PIM3: variants seen among roughly 807,000 people sequenced by gnomAD.
The protein encoded by PIM3 is Pim-3 proto-oncogene, serine/threonine kinase.
A neutral mutation model predicts 27.5 loss-of-function variants in PIM3; 13 were observed. The observed-to-expected ratio is 0.47, with a 90% CI of 0.31 to 0.75. The LOEUF is 0.75. Ranked by LOEUF, PIM3 falls within the 30% of genes least tolerant of loss-of-function variation. The pLI is 0.05. For synonymous variants in PIM3, 341 were observed against 221.1 expected, an observed-to-expected ratio of 1.54 and a Z score of -4.81; for missense variants, 482 against 476.9, an observed-to-expected ratio of 1.01 and a Z score of -0.10.
chr22:49,962,787 G>T lies in PIM3; in HGVS notation c.715G>T (p.Val239Leu), dbSNP rs145700427. Residue 239 changes from valine to leucine, a missense_variant, in exon 5 of 6, where the codon GTG becomes TTG. Physicochemically the swap from Val to Leu is conservative, Grantham distance 32. Transcript: ENST00000360612. Reference protein sequence around the residue: ...WSLGVLLYDMVCGDIPFEQDE... With the variant: ...WSLGVLLYDMLCGDIPFEQDE... ...GCTGGGCGTGCTTCTCTACGATATGGTGTGTGGGGACATCCCCTTCGAGCA... is the reference window on the plus strand; with the variant it reads ...GCTGGGCGTGCTTCTCTACGATATGTTGTGTGGGGACATCCCCTTCGAGCA... 6.2e-7 allele frequency: 1 copy of T among 1,612,640 alleles called. No individual in the cohort carries two copies. The highest frequency in any genetic ancestry group is 8.5e-7 in the Non-Finnish European group (1 of 1,180,000).
At chr22:49,962,915 T>TC in intron 5 of PIM3, 25 bp from the exon 6 acceptor site, 1 of 1,598,780 alleles carries the variant, frequency 6.3e-7, no homozygotes, top group Non-Finnish European at 8.5e-7. Flanking sequence ...GCTTGGGCCC[T>TC]CCCTGACCTC....
rs1601870256 is a variant in PIM3, at chr22:49,961,673, C to T, written c.478C>T (p.His160Tyr). ...FFAQVLAAVR[H>Y]CHSCGVVHRD... is the part of the protein sequence containing the mutation. ...CGCGCAGGTGCTGGCCGCCGTGCGC[C>T]ACTGCCACAGCTGCGGGGTCGTGCA... Residue 160 changes from histidine (H) to tyrosine (Y), a missense_variant, in exon 4 of 6, where the codon CAC becomes TAC. Transcript: ENST00000360612. 1.3e-6 allele frequency: 2 copies of T among 1,592,454 alleles called. No homozygotes were observed. The highest frequency in any genetic ancestry group is 1.7e-6 in the Non-Finnish European group (2 of 1,170,394).
chr22:49,962,695 G>A lies in PIM3; in HGVS notation c.623G>A (p.Arg208Gln), dbSNP rs1425570133. The part of the protein sequence containing the change: ...DTVYTDFDGT[R>Q]VYSPPEWIRY... ...AAGCCCTGTGTCCCCTTAGGCACCC[G>A]AGTGTACAGCCCCCCGGAGTGGATC... The change falls in exon 5 of 6, where the codon CGA becomes CAA. Residue 208 changes from arginine to glutamine, a missense_variant. Transcript: ENST00000360612. The A allele has an allele frequency of 6.2e-7, 1 of 1,610,212 alleles. No homozygotes were observed. The highest frequency in any genetic ancestry group is 8.5e-7 in the Non-Finnish European group (1 of 1,178,856).
At position 49,961,171 on chromosome 22, in the gene PIM3, C is replaced by T. The variant is rs11541025; in HGVS notation, c.132C>T (p.Ala44=). ...TCGAGAAGGCGTACCAGGTGGGCGC[C>T]GTGCTGGGTAGCGGCGGCTTCGGCA... ...ESFEKAYQVG[A]VLGSGGFGTV... The change falls in exon 2 of 6, where the codon GCC becomes GCT. Residue 44 remains alanine, a synonymous_variant. Coordinates refer to ENST00000360612, the MANE Select transcript of PIM3 (RefSeq NM_001001852.4). 4 of 1,532,560 alleles carry T rather than the reference C, an allele frequency of 2.6e-6. No individual in the cohort carries two copies. Among genetic ancestry groups the T allele is most frequent in the Admixed American group, 4.1e-5 (2 of 49,230 alleles). 94.9% of individuals were successfully genotyped at this position (1,532,560 alleles called of 1,614,324 possible). A position where few individuals can be genotyped will look rare whatever the true frequency, so the allele number is the denominator to read the frequency against.
chr22:49,961,010 C>T lies in PIM3; in HGVS notation c.63C>T (p.Leu21=), dbSNP rs1274786081. ...HLCGPGGVDH[L]PVKILQPAKA... is the part of the protein sequence containing the mutation. ...GCGGGCCCGGCGGCGTGGACCACCT[C>T]CCGGTGAAGATCCTGCAGCCAGGTA... Residue 21 remains leucine (L), a synonymous_variant, in exon 1 of 6, where the codon CTC becomes CTT. Transcript: ENST00000360612. The T allele has an allele frequency of 1.4e-5, 19 of 1,391,730 alleles. No individual in the cohort carries two copies. Among genetic ancestry groups the T allele is most frequent in the Non-Finnish European group, 1.8e-5 (19 of 1,063,038 alleles). 86.2% of individuals were successfully genotyped at this position (1,391,730 alleles called of 1,614,324 possible).
chr22:49,961,386 C>T lies in PIM3; in HGVS notation c.246+18C>T. ...GCAGCCTGGTAAGTTGGGGCACGGG[C>T]GGCGGCGGCGGCGGGGGGCGGGCGC... On this transcript the variant is annotated intron_variant, in intron 3 of 5. Transcript: ENST00000360612. 2 of 1,392,252 alleles carry T rather than the reference C, an allele frequency of 1.4e-6. No individual in the cohort carries two copies. Among genetic ancestry groups the T allele is most frequent in the South Asian group, 1.7e-5 (1 of 59,376 alleles). 86.2% of individuals were successfully genotyped at this position (1,392,252 alleles called of 1,614,324 possible). A position where few individuals can be genotyped will look rare whatever the true frequency, so the allele number is the denominator to read the frequency against.
chr22:49,961,879 G>A, intron 4 of PIM3, 68 bp downstream of exon 4: 2 of 1,580,530 alleles, frequency 1.3e-6, no homozygotes, highest in Non-Finnish European at 1.7e-6. Context: ...TGCAGGGGCG[G>A]CACATGGAGG....
chr22:49,963,487 G>T lies in PIM3; in HGVS notation c.*360G>T, dbSNP rs2060920368. ...CCCACCTCCCGCCCTCAGTCCTGCG[G>T]TGTGCGTCTGGGCACGTCCTGCACA... is the stretch of plus-strand genomic sequence containing the variant. On this transcript the variant is annotated 3_prime_UTR_variant, in exon 6 of 6. Coordinates refer to ENST00000360612, the MANE Select transcript of PIM3 (RefSeq NM_001001852.4). 1 of 217,018 alleles carries T rather than the reference G, an allele frequency of 4.6e-6. No individual in the cohort carries two copies. The highest frequency in any genetic ancestry group is 2.3e-5 in the African/African-American group (1 of 43,126). 13.4% of individuals were successfully genotyped at this position (217,018 alleles called of 1,614,324 possible).
chr22:49,962,120 G>C (rs866601888), intron 4 of PIM3, among the ~76,000 whole-genome samples: 36 of 152,120 alleles, frequency 2.4e-4, no homozygotes, highest in African/African-American at 8.2e-4. Context: ...CCCCGGCTGG[G>C]GGCGGTAGCG....
Position 49,961,047 on chromosome 22 carries a change from G to A in PIM3, c.85+15G>A. On this transcript the variant is annotated intron_variant, in intron 1 of 5. Coordinates refer to ENST00000360612, the MANE Select transcript of PIM3 (RefSeq NM_001001852.4). ...CCTGCAGCCAGGTACGCGCGGGGCC[G>A]GCGGGGCCGGGGCCGGGGCCAGGGC... The A allele has an allele frequency of 7.4e-7, 1 of 1,348,944 alleles. No homozygotes were observed. Among genetic ancestry groups the A allele is most frequent in the African/African-American group, 1.5e-5 (1 of 65,396 alleles). 83.6% of individuals were successfully genotyped at this position (1,348,944 alleles called of 1,614,324 possible).
In PIM3 at chr22:49,963,148, G is replaced by A; in HGVS notation, c.*21G>A. The A allele has an allele frequency of 1.3e-6, 2 of 1,558,120 alleles. No individual in the cohort carries two copies. Among genetic ancestry groups the A allele is most frequent in the East Asian group, 2.4e-5 (1 of 42,294 alleles). The stretch of plus-strand genomic sequence containing the variant: ...TGTGAGGAGCTGCACCTGACTGGGA[G>A]CTAGGGGACCACCTGCCTTGGCCAG... On this transcript the variant is annotated 3_prime_UTR_variant, in exon 6 of 6. Coordinates refer to ENST00000360612, the MANE Select transcript of PIM3 (RefSeq NM_001001852.4).
chr22:49,960,823 G>C lies in PIM3; in HGVS notation c.-125G>C. 1 of 550,228 alleles carries C rather than the reference G, an allele frequency of 1.8e-6. No homozygotes were observed. Among genetic ancestry groups the C allele is most frequent in the Non-Finnish European group, 2.4e-6 (1 of 418,290 alleles). The allele number at this position is 550,228 out of a possible 1,614,324, so 34.1% of individuals were successfully genotyped here. A position where few individuals can be genotyped will look rare whatever the true frequency, so the allele number is the denominator to read the frequency against. On this transcript the variant is annotated 5_prime_UTR_variant, in exon 1 of 6. Transcript: ENST00000360612. ...TCTACGCGGTCCCCGCGGGCCTTCC[G>C]GGCCCACTGCGCCGCGCGGACCGCC...
Position 49,961,801 on chromosome 22 carries a change from C to G in PIM3, c.606C>G (p.Thr202=). The G allele has an allele frequency of 6.2e-7, 1 of 1,609,574 alleles. No homozygotes were observed. The highest frequency in any genetic ancestry group is 8.5e-7 in the Non-Finnish European group (1 of 1,178,508). ...CGCTGCTCAAGGACACGGTCTACAC[C>G]GACTTCGACGGTGAGCGCGGGCGCG... ...SGALLKDTVY[T]DFDGTRVYSP... The change falls in exon 4 of 6, where the codon ACC becomes ACG. Residue 202 remains threonine, a synonymous_variant. Coordinates refer to ENST00000360612, the MANE Select transcript of PIM3 (RefSeq NM_001001852.4).
intron 3 of PIM3, 24 bp downstream of exon 3, chr22:49,961,392 C>T (rs1214460507): frequency 2.1e-6 from 3 of 1,446,248 alleles, no homozygotes; most frequent in East Asian, 2.8e-5. Context: ...CGGGCGGCGG[C>T]GGCGGCGGGG....
rs752489243 is a variant in PIM3, at chr22:49,962,874, T to TCCAC, written c.793+9_793+10insCCAC. On this transcript the variant is annotated intron_variant, in intron 5 of 5. Coordinates refer to ENST00000360612, the MANE Select transcript of PIM3 (RefSeq NM_001001852.4). ...GAGGAGGGTCTCTCCAGGTGCGTGG[T>TCCAC]GGCTCGAGGCGGGGGTGGGGGCCTC... The TCCAC allele has an allele frequency of 2.3e-5, 37 of 1,605,078 alleles. No individual in the cohort carries two copies. Among genetic ancestry groups the TCCAC allele is most frequent in the Non-Finnish European group, 3.0e-5 (35 of 1,177,774 alleles).
rs1036175767 is a variant in PIM3 at position 49,961,475 on chromosome 22, C to T, written c.280C>T (p.Leu94=). The part of the protein sequence containing the change: ...GATVPLEVVL[L]RKVGAAGGAR... ...GACCGTGCCCCTGGAGGTGGTGCTG[C>T]TGCGCAAGGTGGGCGCGGCGGGCGG... Residue 94 remains leucine, a synonymous_variant, in exon 4 of 6, where the codon CTG becomes TTG. Coordinates refer to ENST00000360612, the MANE Select transcript of PIM3 (RefSeq NM_001001852.4). 9 of 1,484,256 alleles carry T rather than the reference C, an allele frequency of 6.1e-6. No individual in the cohort carries two copies. The highest frequency in any genetic ancestry group is 2.3e-4 in the Middle Eastern group (1 of 4,338). 91.9% of individuals were successfully genotyped at this position (1,484,256 alleles called of 1,614,324 possible).
chr22:49,962,071 G>C (rs933451699), intron 4 of PIM3, among the ~76,000 whole-genome samples: 1 of 152,112 alleles, frequency 6.6e-6, no homozygotes, highest in African/African-American at 2.4e-5. Flanking sequence ...CTCTTGCCCC[G>C]GTGTGGGAGG....
Position 49,963,294 on chromosome 22 carries a change from G to T in PIM3, c.*167G>T, listed in dbSNP as rs566050805. The T allele has an allele frequency of 8.5e-5, 64 of 754,786 alleles. No homozygotes were observed. In the South Asian group the frequency reaches 1.2e-3, roughly 14 times the overall value. 46.8% of individuals were successfully genotyped at this position (754,786 alleles called of 1,614,324 possible). ...TGCCTTTTGAACGCTGGTCCCGCGG[G>T]ACTTGGTTTTCTCAAGCTCTGTCTG... On this transcript the variant is annotated 3_prime_UTR_variant, in exon 6 of 6. Coordinates refer to ENST00000360612, the MANE Select transcript of PIM3 (RefSeq NM_001001852.4).
chr22:49,961,852 GCCGGCGGGTTAACGCC>G (rs767604773), intron 4 of PIM3, 41 bp downstream of exon 4: 4 of 1,604,212 alleles, frequency 2.5e-6, no homozygotes, highest in Non-Finnish European at 8.5e-7. Context: ...CGGGGGCCTT[GCCGGCGGGTTAACGCC>G]TGCAGGGGCG....
Sources: allele counts gnomAD v4.1 joint callset (sites outside exome capture counted in the v4.1 genomes callset), GRCh38; gene constraint gnomAD v4.1.1; transcripts MANE v1.5; gene names NCBI Gene and HGNC (gene_info 2026-07-23, HGNC 2026-07-21).